The following DUOXA1 variants were observed in gnomAD, a reference collection of about 807,000 sequenced individuals.
DUOXA1 encodes the protein dual oxidase maturation factor 1.
In DUOXA1, 19 loss-of-function variants were observed where a neutral mutation model predicts 26.6. The observed-to-expected ratio is 0.71, with a 90% CI of 0.50 to 1.05. The LOEUF (loss-of-function observed/expected upper bound fraction) is 1.05. Among genes scored for constraint, DUOXA1 ranks in the 50% least tolerant of loss-of-function variants. DUOXA1 has a pLI of 0.00. For missense variants in DUOXA1, 403 were observed against 427.5 expected (o/e 0.94, Z 0.51); for synonymous variants, 166 against 177.0 (o/e 0.94, Z 0.49).
Position 45,121,188 on chromosome 15 carries a change from T to C in DUOXA1, c.239A>G (p.Gln80Arg), listed in dbSNP as rs757423474. 6.2e-7 allele frequency: 1 copy of C among 1,614,190 alleles called. No homozygotes were observed. Among genetic ancestry groups the C allele is most frequent in the South Asian group, 1.1e-5 (1 of 91,084 alleles). Residue 80 changes from glutamine (Q) to arginine (R), a missense_variant, in exon 6 of 9, where the codon CAG becomes CGG. Gln to Arg is a conservative substitution (Grantham distance 43). Coordinates refer to ENST00000560572, the MANE Select transcript of DUOXA1 (RefSeq NM_001276266.2). Reference sequence around the variant, plus strand: ...CTTGTATGATGTGTTGGTGCTGACCTGGCCCACAGACCACTCAGAACTGAA... The same window carrying C: ...CTTGTATGATGTGTTGGTGCTGACCCGGCCCACAGACCACTCAGAACTGAA... ...VNFSSEWSVG[Q>R]VSTNTSYKAF...
At chr15:45,122,056 G>A (rs1895256523) in intron 5 of DUOXA1, 129 bp downstream of exon 5, 1 of 927,008 alleles carries the variant, frequency 1.1e-6, no homozygotes, top group African/African-American at 1.6e-5. Context: ...GAAGCATATG[G>A]GCAGGGTCTG....
At position 45,120,158 on chromosome 15, in the gene DUOXA1, G is replaced by A. The variant is rs768124734; in HGVS notation, c.717C>T (p.Gly239=). 154 of 1,613,930 alleles carry A rather than the reference G, an allele frequency of 9.5e-5. No individual in the cohort carries two copies. Among genetic ancestry groups the A allele is most frequent in the Admixed American group, 1.8e-4 (11 of 60,004 alleles). Residue 239 remains glycine (G), a synonymous_variant, in exon 8 of 9, where the codon GGC becomes GGT. Coordinates refer to ENST00000560572, the MANE Select transcript of DUOXA1 (RefSeq NM_001276266.2). Reference sequence around the variant, plus strand: ...CATGGTGAGTATGCAGCACAGAAGCGCCCAGGTGCAGGGGACAGGGTGAGG... The same window carrying A: ...CATGGTGAGTATGCAGCACAGAAGCACCCAGGTGCAGGGGACAGGGTGAGG... The part of the protein sequence containing the change: ...SLTSPCPLHL[G]ASVLHTHHGP...
chr15:45,119,418 G>A, intron 8 of DUOXA1, 53 bp from the exon 9 acceptor site: 1 of 1,532,796 alleles, frequency 6.5e-7, no homozygotes, highest in South Asian at 1.2e-5. Flanking sequence ...CACCTGCCGA[G>A]GATATCTTCC....
At chr15:45,124,199 G>T (rs1269511975) in intron 3 of DUOXA1, among the ~76,000 whole-genome samples, 1 of 152,174 alleles carries the variant, frequency 6.6e-6, no homozygotes, top group African/African-American at 2.4e-5. Flanking sequence ...ATAAGCTTGG[G>T]AGTCAAGTAG....
chr15:45,122,751 A>C, intron 4 of DUOXA1, 117 bp downstream of exon 4: 1 of 1,308,742 alleles, frequency 7.6e-7, no homozygotes, highest in Non-Finnish European at 1.0e-6. Flanking sequence ...GGTCGTGGCT[A>C]TCTTTTCTCC....
chr15:45,121,514 T>A (rs982692590), intron 5 of DUOXA1, among the ~76,000 whole-genome samples: 2 of 152,184 alleles, frequency 1.3e-5, no homozygotes, highest in African/African-American at 4.8e-5. Context: ...CGCAGATAGC[T>A]TCAACAAAAA....
intron 3 of DUOXA1, among the ~76,000 whole-genome samples, chr15:45,125,777 T>C (rs1895632572): frequency 6.6e-6 from 1 of 152,194 alleles, no homozygotes; most frequent in Non-Finnish European, 1.5e-5. Context: ...TAAATGTTGA[T>C]GCTCCCCAGG....
Position 45,129,128 on chromosome 15 carries a change from C to G in DUOXA1, c.-140G>C, listed in dbSNP as rs1320865802. On this transcript the variant is annotated 5_prime_UTR_variant, in exon 3 of 9. Coordinates refer to ENST00000560572, the MANE Select transcript of DUOXA1 (RefSeq NM_001276266.2). This position sits in a 1 kb window ranked among gnomAD's most constrained non-coding sequence, Gnocchi z 4.1. ...TGTGATTAAAGAGGGAACCAGGTCC[C>G]GACGTTCTGTGAACAAACGCGCGCC... 1 of 152,118 alleles carries G rather than the reference C, an allele frequency of 6.6e-6. No individual in the cohort carries two copies. The highest frequency in any genetic ancestry group is 2.4e-5 in the African/African-American group (1 of 41,432). 9.4% of individuals were successfully genotyped at this position (152,118 alleles called of 1,614,324 possible). A position where few individuals can be genotyped will look rare whatever the true frequency, so the allele number is the denominator to read the frequency against.
At chr15:45,125,094 C>T (rs1221043519) in intron 3 of DUOXA1, among the ~76,000 whole-genome samples, 1 of 152,158 alleles carries the variant, frequency 6.6e-6, no homozygotes, top group African/African-American at 2.4e-5. Context: ...GACAGAAAGA[C>T]AGACAGTTTT....
Position 45,120,686 on chromosome 15 carries a change from CA to C in DUOXA1, c.459del (p.Val154CysfsTer4). ...AKALEKGLPD[P>X]VLYLAEKFTP... ...GTGAACTTCTCAGCTAGGTACAACA[CA>C]GGGTCTGGCAGCCCCTTCTCCAGAG... On this transcript the variant is annotated frameshift_variant, in exon 7 of 9. Transcript: ENST00000560572. LOFTEE classifies it high-confidence loss of function. 1 of 1,614,158 alleles carries C rather than the reference CA, an allele frequency of 6.2e-7. No homozygotes were observed. The highest frequency in any genetic ancestry group is 2.2e-5 in the East Asian group (1 of 44,882).
chr15:45,125,462 C>T (rs1386546848), intron 3 of DUOXA1, among the ~76,000 whole-genome samples: 1 of 152,220 alleles, frequency 6.6e-6, no homozygotes, highest in Non-Finnish European at 1.5e-5. Context: ...TTACTCTATT[C>T]CTGTCACAGC....
Position 45,120,773 on chromosome 15 carries a change from T to C in DUOXA1, c.373A>G (p.Asn125Asp), listed in dbSNP as rs1341699369. The change falls in exon 7 of 9, where the codon AAT becomes GAT. Residue 125 changes from asparagine to aspartate, a missense_variant. By Grantham distance (23) the Asn-to-Asp change is conservative. Coordinates refer to ENST00000560572, the MANE Select transcript of DUOXA1 (RefSeq NM_001276266.2). ...CGCCAGGTGAACTCCTCGTTGTAAT[T>C]GATGGTCTCATTCAGCTGCTGCACG... ...TPVQQLNETI[N>D]YNEEFTWRLG... is the part of the protein sequence containing the mutation. The C allele has an allele frequency of 6.2e-7, 1 of 1,614,052 alleles. No individual in the cohort carries two copies.
intron 3 of DUOXA1, among the ~76,000 whole-genome samples, chr15:45,123,840 G>C (rs1284247725): frequency 2.0e-5 from 3 of 152,176 alleles, no homozygotes; most frequent in Non-Finnish European, 4.4e-5. Flanking sequence ...CTGAGAACTT[G>C]TTTGACTCTT....
Position 45,117,752 on chromosome 15 carries a change from G to A in DUOXA1, c.*1354C>T, listed in dbSNP as rs752914323. ...CTCTTCCTCGGAGGGGCCGTGGTGA[G>A]TCTCCAGTATGTTCGGCCCAGCGCT... On this transcript the variant is annotated 3_prime_UTR_variant, in exon 9 of 9. Coordinates refer to ENST00000560572, the MANE Select transcript of DUOXA1 (RefSeq NM_001276266.2). 1.2e-6 allele frequency: 2 copies of A among 1,613,344 alleles called. No individual in the cohort carries two copies. Among genetic ancestry groups the A allele is most frequent in the East Asian group, 2.2e-5 (1 of 44,858 alleles).
chr15:45,125,971 C>T (rs577316030), intron 3 of DUOXA1, among the ~76,000 whole-genome samples: 35 of 152,336 alleles, frequency 2.3e-4, no homozygotes, highest in African/African-American at 8.2e-4. Flanking sequence ...GAAATTTTAA[C>T]AACCCCTCAA....
At position 45,117,684 on chromosome 15, in the gene DUOXA1, G is replaced by A. The variant is rs779707146; in HGVS notation, c.*1422C>T. On this transcript the variant is annotated 3_prime_UTR_variant, in exon 9 of 9. Transcript: ENST00000560572. ...GGGCAACATAGCCCTGACTCCACATGCCCTCCTTTCTTTCGATCCCCACCG... is the reference window on the plus strand; with the variant it reads ...GGGCAACATAGCCCTGACTCCACATACCCTCCTTTCTTTCGATCCCCACCG... 1 of 1,613,814 alleles carries A rather than the reference G, an allele frequency of 6.2e-7. No individual in the cohort carries two copies. Among genetic ancestry groups the A allele is most frequent in the East Asian group, 2.2e-5 (1 of 44,860 alleles).
chr15:45,128,358 T>TA (rs1895853635), intron 3 of DUOXA1, among the ~76,000 whole-genome samples: 2 of 152,332 alleles, frequency 1.3e-5, no homozygotes, highest in Non-Finnish European at 2.9e-5. Flanking sequence ...TGCTGGAAAC[T>TA]ATAGAGTAAG....
At chr15:45,125,887 T>C (rs1005416711) in intron 3 of DUOXA1, among the ~76,000 whole-genome samples, 4 of 152,206 alleles carry the variant, frequency 2.6e-5, no homozygotes, top group African/African-American at 9.7e-5. Flanking sequence ...CAGGTAGTCC[T>C]CCTACCTGAG....
At chr15:45,120,853 G>A (rs776492031) in intron 6 of DUOXA1, 48 bp from the exon 7 acceptor site, 5 of 1,596,884 alleles carry the variant, frequency 3.1e-6, no homozygotes, top group Admixed American at 3.3e-5. Context: ...GGGCCAGAGT[G>A]GGGCCTAGGT....
Sources: gnomAD v4.1 joint callset for allele counts (sites outside exome capture counted in the v4.1 genomes callset) on GRCh38, gnomAD v4.1.1 for gene constraint, Gnocchi (gnomAD v3.1) non-coding constraint, MANE v1.5 for transcripts, NCBI Gene and HGNC (gene_info 2026-07-23, HGNC 2026-07-21) for gene names.